Variants in FOXP1 observed in about 807,000 individuals in gnomAD.
FOXP1 encodes forkhead box P1, also known as forkhead box protein P1.
Under a neutral mutation model 98.2 loss-of-function variants are expected in FOXP1, and 15 were observed. That is an observed-to-expected ratio of 0.15 (90% CI 0.10 to 0.24). The LOEUF (loss-of-function observed/expected upper bound fraction) is 0.24. Among genes scored for constraint, FOXP1 ranks in the 10% least tolerant of loss-of-function variants. The pLI, the probability that FOXP1 is intolerant of heterozygous loss-of-function variation, is 1.00. For missense variants in FOXP1, 633 were observed against 848.5 expected (o/e 0.75, Z 3.15); for synonymous variants, 371 against 314.5 (o/e 1.18, Z -1.90).
At chr3:71,336,010 C>CAAAAAA (rs60051890) in intron 4 of FOXP1, among the ~76,000 whole-genome samples, 15 of 34,092 alleles carry the variant, frequency 4.4e-4, no homozygotes, top group African/African-American at 8.7e-4. Flanking sequence ...AACTCCATCT[C>CAAAAAA]AAAAAAAAAA....
intron 3 of FOXP1, among the ~76,000 whole-genome samples, chr3:71,365,361 C>T (rs910373255): frequency 6.6e-6 from 1 of 151,522 alleles, no homozygotes; most frequent in African/African-American, 2.4e-5. Flanking sequence ...TAAGTCATGC[C>T]ACCTTTCCAA....
chr3:71,213,680 C>T (rs184597074), intron 5 of FOXP1, among the ~76,000 whole-genome samples: 184 of 152,060 alleles, frequency 1.2e-3, no homozygotes, highest in African/African-American at 4.2e-3. Flanking sequence ...GCCGGGTGTG[C>T]TGGTGGGTGC....
At chr3:71,015,405 A>C in intron 12 of FOXP1, 144 bp downstream of exon 12, 1 of 617,304 alleles carries the variant, frequency 1.6e-6, no homozygotes, top group Non-Finnish European at 3.0e-6. Flanking sequence ...TTCCTATGAC[A>C]GTGCACTAGA....
In FOXP1 at chr3:70,960,864, C is replaced by T. The variant is rs571470234; in HGVS notation, c.1890-1473G>A. 8.5e-5 allele frequency among the ~76,000 whole-genome samples: 12 copies of T among 141,026 alleles called. No individual in the cohort carries two copies. In the South Asian group the frequency reaches 8.9e-4, roughly 11 times the overall value. The allele number at this position is 141,026 out of a possible 152,430, so 92.5% of individuals were successfully genotyped here. ...TAATTTTTTTTTTTTTTTTTTGAGA[C>T]GGAGTCTTGCTCTGTCGCCCAGGCT... On this transcript the variant is annotated intron_variant, in intron 20 of 20. Coordinates refer to ENST00000649528, the MANE Select transcript of FOXP1 (RefSeq NM_001349338.3).
rs577245946 is a variant in FOXP1 at position 71,560,047 on chromosome 3, A to G, written c.-298+21502T>C. Among the ~76,000 whole-genome samples the G allele has an allele frequency of 2.2e-4, 33 of 152,304 alleles. 1 individual carries two copies. Among genetic ancestry groups the G allele is most frequent in the Admixed American group, 2.0e-4 (3 of 15,300 alleles). On this transcript the variant is annotated intron_variant, in intron 2 of 20. Coordinates refer to ENST00000649528, the MANE Select transcript of FOXP1 (RefSeq NM_001349338.3). ...ATGAAGGAGACAATGAGAAAGCAAG[A>G]CAAGAGATGGAAAGAGGCAGCCACC...
intron 6 of FOXP1, among the ~76,000 whole-genome samples, chr3:71,127,440 GTA>G (rs2059289244): frequency 6.6e-6 from 1 of 152,016 alleles, no homozygotes; most frequent in South Asian, 2.1e-4. Flanking sequence ...AGCCCATGCT[GTA>G]TCTTTAAAAA....
intron 7 of FOXP1, chr3:71,065,554 C>G (rs1576546579): frequency 6.6e-6 from 1 of 152,196 alleles, no homozygotes. Flanking sequence ...TCGGTCTCGC[C>G]AAAGTGTGCC....
intron 11 of FOXP1, among the ~76,000 whole-genome samples, chr3:71,021,565 T>A (rs2045444661): frequency 6.6e-6 from 1 of 152,200 alleles, no homozygotes; most frequent in Non-Finnish European, 1.5e-5. Flanking sequence ...AGAAGTTGAA[T>A]TGCTGGGTCC....
chr3:71,380,698 A>AGTT (rs561846394), intron 3 of FOXP1, among the ~76,000 whole-genome samples: 1 of 100,264 alleles, frequency 1.0e-5, no homozygotes, highest in Non-Finnish European at 1.9e-5. Context: ...CTTTTTAGAC[A>AGTT]TTTTTTTTTT....
At chr3:71,118,376 G>C (rs2058525859) in intron 6 of FOXP1, among the ~76,000 whole-genome samples, 1 of 152,144 alleles carries the variant, frequency 6.6e-6, no homozygotes, top group Admixed American at 6.5e-5. Context: ...GCTTATAGGG[G>C]CTAGGTAATT....
At chr3:71,299,790 T>A (rs960617516) in intron 5 of FOXP1, 30 bp downstream of exon 5, 10 of 152,676 alleles carry the variant, frequency 6.5e-5, no homozygotes, top group Non-Finnish European at 1.2e-4. Context: ...CAGCCCTGGA[T>A]ATAACTTCAC....
chr3:71,036,036 T>C (rs2047534965), intron 11 of FOXP1, among the ~76,000 whole-genome samples: 1 of 152,218 alleles, frequency 6.6e-6, no homozygotes, highest in African/African-American at 2.4e-5. Flanking sequence ...CCTTGCCTTT[T>C]GAAAATAACA....
chr3:71,498,089 C>T (rs992329096), intron 2 of FOXP1, among the ~76,000 whole-genome samples: 6 of 152,134 alleles, frequency 3.9e-5, no homozygotes, highest in Non-Finnish European at 8.8e-5. Context: ...CTTTCCAAGT[C>T]CTGTGGCTAC....
At chr3:71,497,345 G>A (rs990378350) in intron 2 of FOXP1, among the ~76,000 whole-genome samples, 1 of 152,116 alleles carries the variant, frequency 6.6e-6, no homozygotes, top group Admixed American at 6.5e-5. Context: ...ACAATTTCCA[G>A]GAGAAAGTTT....
chr3:71,514,536 A>G (rs186415536), intron 2 of FOXP1, among the ~76,000 whole-genome samples: 14 of 152,362 alleles, frequency 9.2e-5, no homozygotes, highest in Admixed American at 9.1e-4. Context: ...TGCCTGGAAC[A>G]GTGTCATGTA....
intron 7 of FOXP1, among the ~76,000 whole-genome samples, chr3:71,057,071 C>T (rs920223385): frequency 2.6e-5 from 4 of 152,106 alleles, no homozygotes; most frequent in Non-Finnish European, 4.4e-5. Flanking sequence ...TAACTACTAT[C>T]ATTTAATCCT....
At chr3:71,290,472 C>T (rs2072626281) in intron 5 of FOXP1, among the ~76,000 whole-genome samples, 1 of 152,190 alleles carries the variant, frequency 6.6e-6, no homozygotes, top group Non-Finnish European at 1.5e-5. Flanking sequence ...ATCATCATAT[C>T]TCACTGGGAT....
chr3:71,299,743 A>T (rs2073685845), intron 5 of FOXP1, 77 bp downstream of exon 5: 1 of 152,634 alleles, frequency 6.6e-6, no homozygotes, highest in Non-Finnish European at 1.5e-5. Context: ...ACAGACCAAA[A>T]AGCAACTGAA....
chr3:71,394,732 G>C (rs1011935356), intron 3 of FOXP1, among the ~76,000 whole-genome samples: 1 of 152,118 alleles, frequency 6.6e-6, no homozygotes, highest in Non-Finnish European at 1.5e-5. Context: ...TAAATGGCTC[G>C]TCCCAAAACT....
Sources: allele counts gnomAD v4.1 joint callset (sites outside exome capture counted in the v4.1 genomes callset), GRCh38; gene constraint gnomAD v4.1.1; transcripts MANE v1.5; gene names NCBI Gene and HGNC (gene_info 2026-07-23, HGNC 2026-07-21).